Variants in ROBO2 observed in about 807,000 individuals in gnomAD.
The protein encoded by ROBO2 is roundabout guidance receptor 2.
In ROBO2, 53 loss-of-function variants were observed where a neutral mutation model predicts 160.8. The observed-to-expected ratio is 0.33, with a 90% CI of 0.26 to 0.41. The LOEUF is 0.41. Among genes scored for constraint, ROBO2 ranks in the 10% least tolerant of loss-of-function variants. The probability of loss-of-function intolerance (pLI) is 1.00; values close to 1 mark genes in which losing one functional copy is unlikely to be tolerated. For synonymous variants in ROBO2, 664 were observed against 611.7 expected (o/e 1.09, Z -1.26); for missense variants, 1,577 against 1,722.4 (o/e 0.92, Z 1.49).
intron 2 of ROBO2, among the ~76,000 whole-genome samples, chr3:76,195,159 A>G (rs559648251): frequency 6.6e-6 from 1 of 152,320 alleles, no homozygotes; most frequent in South Asian, 2.1e-4. Flanking sequence ...TTCACATGCT[A>G]TCTCATTGAA....
At chr3:77,287,721 T>C (rs1368494667) in intron 2 of ROBO2, among the ~76,000 whole-genome samples, 1 of 152,204 alleles carries the variant, frequency 6.6e-6, no homozygotes. Flanking sequence ...TTCTAAAGGA[T>C]GACTGCAATT....
At chr3:76,122,211 G>T (rs566130220) in intron 2 of ROBO2, among the ~76,000 whole-genome samples, 1 of 151,962 alleles carries the variant, frequency 6.6e-6, no homozygotes, top group Non-Finnish European at 1.5e-5. Flanking sequence ...TTTAGAGTCA[G>T]TCAAACATGA....
chr3:76,052,925 A>T (rs1369301859), intron 2 of ROBO2, among the ~76,000 whole-genome samples: 1 of 152,138 alleles, frequency 6.6e-6, no homozygotes, highest in East Asian at 1.9e-4. Context: ...GAAAGTGTTC[A>T]AGTCTGGATT....
In ROBO2 at chr3:76,291,750, G is replaced by C. The variant is rs534181983; in HGVS notation, c.109+354148G>C. On this transcript the variant is annotated intron_variant, in intron 2 of 26. Transcript: ENST00000487694. ...TTTCATTAGTTATAAAGAATTTCTT[G>C]ATTTATGCCTTAATTTCATTATTTA... Among the ~76,000 whole-genome samples the C allele has an allele frequency of 2.0e-5, 3 of 152,144 alleles. No homozygotes were observed. The South Asian group carries it at 6.2e-4, about 32-fold the overall frequency.
chr3:76,336,814 G>C (rs182201745), intron 2 of ROBO2, among the ~76,000 whole-genome samples: 1 of 151,808 alleles, frequency 6.6e-6, no homozygotes, highest in Non-Finnish European at 1.5e-5. Flanking sequence ...AGATTTTTTC[G>C]TAAGAGCATT....
chr3:76,570,813 G>T (rs2084910723), intron 2 of ROBO2, among the ~76,000 whole-genome samples: 1 of 152,064 alleles, frequency 6.6e-6, no homozygotes, highest in East Asian at 1.9e-4. Context: ...TTATAGCCCT[G>T]CTCCTCAAAT....
intron 2 of ROBO2, among the ~76,000 whole-genome samples, chr3:76,147,384 CTTA>C (rs888374240): frequency 1.4e-5 from 2 of 147,340 alleles, no homozygotes; most frequent in African/African-American, 2.5e-5. Flanking sequence ...TATTAATTAT[CTTA>C]TTAATTTTAA....
intron 2 of ROBO2, among the ~76,000 whole-genome samples, chr3:77,105,929 T>G (rs2072733799): frequency 6.6e-6 from 1 of 152,178 alleles, no homozygotes; most frequent in Non-Finnish European, 1.5e-5. Context: ...TACTAAGAGT[T>G]CAGGAGATAA....
At chr3:76,195,791 A>G (rs1702232646) in intron 2 of ROBO2, among the ~76,000 whole-genome samples, 1 of 152,154 alleles carries the variant, frequency 6.6e-6, no homozygotes, top group Admixed American at 6.5e-5. Context: ...ATTTCCTAAG[A>G]TAATTATTCT....
intron 2 of ROBO2, among the ~76,000 whole-genome samples, chr3:77,243,685 T>G (rs990617120): frequency 5.3e-5 from 8 of 152,356 alleles, no homozygotes; most frequent in Admixed American, 5.2e-4. Context: ...AACCCAGCAC[T>G]GTCAATTTAG....
At chr3:76,773,810 T>C (rs1031074500) in intron 2 of ROBO2, among the ~76,000 whole-genome samples, 19 of 150,834 alleles carry the variant, frequency 1.3e-4, no homozygotes, top group African/African-American at 4.6e-4. Context: ...GGAAAAATCC[T>C]TGCAAAATGG....
chr3:76,512,602 A>G (rs1007265006), intron 2 of ROBO2, among the ~76,000 whole-genome samples: 1 of 152,140 alleles, frequency 6.6e-6, no homozygotes, highest in Non-Finnish European at 1.5e-5. Context: ...GGTGATGTCA[A>G]ACACCCACAG....
intron 2 of ROBO2, among the ~76,000 whole-genome samples, chr3:76,137,687 T>C (rs1389161031): frequency 6.6e-6 from 1 of 151,902 alleles, no homozygotes; most frequent in Non-Finnish European, 1.5e-5. Flanking sequence ...TTCTGGAGAA[T>C]ATAGGACAGA....
chr3:77,583,885 T>G (rs2153679752), intron 16 of ROBO2, among the ~76,000 whole-genome samples: 1 of 152,312 alleles, frequency 6.6e-6, no homozygotes, highest in African/African-American at 2.4e-5. Flanking sequence ...GGACTTCTTA[T>G]GTTTGCCCTT....
chr3:76,956,565 A>C (rs1218340299), intron 2 of ROBO2, among the ~76,000 whole-genome samples: 1 of 151,608 alleles, frequency 6.6e-6, no homozygotes, highest in Non-Finnish European at 1.5e-5. Flanking sequence ...TCAAAAAAAA[A>C]AAAAAAGAAA....
intron 2 of ROBO2, among the ~76,000 whole-genome samples, chr3:76,546,773 A>G (rs1406238133): frequency 1.3e-5 from 2 of 151,768 alleles, no homozygotes; most frequent in African/African-American, 2.4e-5. Flanking sequence ...TTCTACTACA[A>G]GGAAGTCTAA....
chr3:75,953,810 A>G (rs1200711909), intron 2 of ROBO2, among the ~76,000 whole-genome samples: 4 of 152,090 alleles, frequency 2.6e-5, no homozygotes, highest in Non-Finnish European at 5.9e-5. Context: ...TTTACAAGCA[A>G]TACATATAGA....
chr3:76,712,598 C>G (rs2093315838), intron 2 of ROBO2, among the ~76,000 whole-genome samples: 1 of 151,916 alleles, frequency 6.6e-6, no homozygotes. Flanking sequence ...TCACTTGAAC[C>G]TGGGAGGCAG....
intron 2 of ROBO2, among the ~76,000 whole-genome samples, chr3:76,849,831 A>T (rs2069147046): frequency 6.6e-6 from 1 of 152,228 alleles, no homozygotes. Context: ...ACAAGATTAA[A>T]CTATGGCAAT....
Sources: allele counts gnomAD v4.1 joint callset (sites outside exome capture counted in the v4.1 genomes callset), GRCh38; gene constraint gnomAD v4.1.1; transcripts MANE v1.5; gene names NCBI Gene and HGNC (gene_info 2026-07-23, HGNC 2026-07-21).